Variants in DHX38 observed in about 807,000 individuals in gnomAD.
DHX38 encodes the protein pre-mRNA-splicing factor ATP-dependent RNA helicase PRP16.
In DHX38, 100 loss-of-function variants were observed where a neutral mutation model predicts 153.1. That is an observed-to-expected ratio of 0.65 (90% CI 0.56 to 0.77). The LOEUF (loss-of-function observed/expected upper bound fraction) is 0.77. Among genes scored for constraint, DHX38 ranks in the 30% least tolerant of loss-of-function variants. The pLI is 0.00. For synonymous variants in DHX38, 650 were observed against 631.7 expected, an observed-to-expected ratio of 1.03 and a Z score of -0.43; for missense variants, 1,440 against 1,654.0, an observed-to-expected ratio of 0.87 and a Z score of 2.24.
chr16:72,101,049 T>C, intron 9 of DHX38, 37 bp from the exon 10 acceptor site: 1 of 1,602,232 alleles, frequency 6.2e-7, no homozygotes, highest in Non-Finnish European at 8.6e-7. Flanking sequence ...TTCTTGCTGA[T>C]TTTAACGGGC....
At position 72,096,454 on chromosome 16, in the gene DHX38, G is replaced by C; in HGVS notation, c.297G>C (p.Gln99His). 1 of 1,613,218 alleles carries C rather than the reference G, an allele frequency of 6.2e-7. No homozygotes were observed. Among genetic ancestry groups the C allele is most frequent in the Non-Finnish European group, 8.5e-7 (1 of 1,179,666 alleles). ...QKDAEEEGGD[Q>H]AGQNIRKDRH... is the part of the protein sequence containing the mutation. Reference sequence around the variant, plus strand: ...ATGCTGAGGAAGAGGGCGGTGACCAGGCTGGCCAAAATATCCGGAAAGACA... The same window carrying C: ...ATGCTGAGGAAGAGGGCGGTGACCACGCTGGCCAAAATATCCGGAAAGACA... The change falls in exon 2 of 27, where the codon CAG (glutamine) becomes CAC (histidine). Residue 99 changes from glutamine (Q) to histidine (H), a missense_variant. Transcript: ENST00000268482.
Position 72,108,379 on chromosome 16 carries a change from G to A in DHX38, c.3117G>A (p.Arg1039=). 1 of 1,614,182 alleles carries A rather than the reference G, an allele frequency of 6.2e-7. No individual in the cohort carries two copies. The highest frequency in any genetic ancestry group is 8.5e-7 in the Non-Finnish European group (1 of 1,180,028). The change falls in exon 22 of 27, where the codon CGG becomes CGA. Residue 1039 remains arginine, a synonymous_variant. Transcript: ENST00000268482. ...NDHFIHAKAM[R]KVREVRAQLK... ...ATTTCATCCATGCTAAGGCCATGCG[G>A]AAGGTAGAGTGGTGGATGAGCAGGA...
chr16:72,108,477 G>A lies in DHX38; in HGVS notation c.3125G>A (p.Arg1042Gln), dbSNP rs942888461. ...FIHAKAMRKVREVRAQLKDIM... is the reference protein window; with the variant it reads ...FIHAKAMRKVQEVRAQLKDIM... Reference sequence around the variant, plus strand: ...TGCCTCCGTCTCCTGCCCTAGGTCCGGGAGGTGCGAGCTCAACTCAAGGAC... The same window carrying A: ...TGCCTCCGTCTCCTGCCCTAGGTCCAGGAGGTGCGAGCTCAACTCAAGGAC... Residue 1042 changes from arginine (R) to glutamine (Q), a missense_variant, in exon 23 of 27, where the codon CGG becomes CAG. Arg to Gln is a conservative substitution (Grantham distance 43). This residue lies in a region of DHX38 where 543 missense variants were observed against 717.9 expected (regional missense o/e 0.76). Transcript: ENST00000268482. 1.4e-5 allele frequency: 23 copies of A among 1,614,016 alleles called. No individual in the cohort carries two copies. The highest frequency in any genetic ancestry group is 5.0e-5 in the Admixed American group (3 of 60,000).
At chr16:72,101,887 C>T (rs974276107) in intron 11 of DHX38, among the ~76,000 whole-genome samples, 13 of 152,170 alleles carry the variant, frequency 8.5e-5, no homozygotes, top group African/African-American at 2.4e-5. Context: ...TGTCTGAGGT[C>T]ACCCAGCTTG....
Position 72,104,738 on chromosome 16 carries a change from T to C in DHX38, c.2151+112T>C. The C allele has an allele frequency of 1.4e-6, 2 of 1,459,560 alleles. No homozygotes were observed. Among genetic ancestry groups the C allele is most frequent in the Non-Finnish European group, 9.4e-7 (1 of 1,066,884 alleles). 90.4% of individuals were successfully genotyped at this position (1,459,560 alleles called of 1,614,324 possible). ...GGGGACTGGGTTGGAGAAGATTTCC[T>C]GGGGACCATGGGGCAAATGGGGCAG... On this transcript the variant is annotated intron_variant, in intron 15 of 26. Coordinates refer to ENST00000268482, the MANE Select transcript of DHX38 (RefSeq NM_014003.4). This position sits in a 1 kb window ranked among gnomAD's most constrained non-coding sequence, Gnocchi z 4.5.
At chr16:72,103,457 G>A in intron 12 of DHX38, 145 bp from the exon 13 acceptor site, 1 of 999,144 alleles carries the variant, frequency 1.0e-6, no homozygotes, top group Non-Finnish European at 1.5e-6. Context: ...GTAAGAGGCT[G>A]TTGTCCCAGT....
In DHX38 at chr16:72,103,747, A is replaced by G. The variant is rs1300318165; in HGVS notation, c.1783A>G (p.Lys595Glu). 1.2e-6 allele frequency: 2 copies of G among 1,613,796 alleles called. No individual in the cohort carries two copies. Among genetic ancestry groups the G allele is most frequent in the African/African-American group, 1.3e-5 (1 of 74,920 alleles). Reference protein sequence around the residue: ...PRRVAAMSVAKRVSEEMGGNL... With the variant: ...PRRVAAMSVAERVSEEMGGNL... ...GCGTGTAGCTGCCATGTCAGTGGCC[A>G]AGAGAGTCAGTGAAGAGATGGGGGG... The change falls in exon 13 of 27, where the codon AAG becomes GAG. Residue 595 changes from lysine to glutamate, a missense_variant. Coordinates refer to ENST00000268482, the MANE Select transcript of DHX38 (RefSeq NM_014003.4).
Position 72,098,966 on chromosome 16 carries a change from A to G in DHX38, c.804A>G (p.Pro268=), listed in dbSNP as rs764854045. The change falls in exon 6 of 27, where the codon CCA becomes CCG. Residue 268 remains proline, a synonymous_variant. Coordinates refer to ENST00000268482, the MANE Select transcript of DHX38 (RefSeq NM_014003.4). ...RGKYSDDTPL[P]TPSYKYNEWA... is the part of the protein sequence containing the mutation. ...AGTACTCGGATGACACGCCTCTGCC[A>G]ACTCCCTCCTACAAATATAACGAGT... The G allele has an allele frequency of 1.9e-6, 3 of 1,614,118 alleles. No homozygotes were observed. Among genetic ancestry groups the G allele is most frequent in the Non-Finnish European group, 2.5e-6 (3 of 1,180,040 alleles).
In DHX38 at chr16:72,095,977, G is replaced by C. The variant is rs1053244269; in HGVS notation, c.-19-162G>C. On this transcript the variant is annotated intron_variant, in intron 1 of 26. Transcript: ENST00000268482. Reference sequence around the variant, plus strand: ...ATAGGAGAATCTTTGGAGATAGGCAGTGACTTGATGGAAAGGTCTTGGAGA... The same window carrying C: ...ATAGGAGAATCTTTGGAGATAGGCACTGACTTGATGGAAAGGTCTTGGAGA... Among the ~76,000 whole-genome samples the C allele has an allele frequency of 3.3e-5, 5 of 152,078 alleles. No homozygotes were observed. The East Asian group carries it at 9.6e-4, about 29-fold the overall frequency.
Position 72,107,700 on chromosome 16 carries a change from G to A in DHX38, c.2865G>A (p.Leu955=), listed in dbSNP as rs763575192. ...TGGAGTTCCCGCTGGACCCTGCCCT[G>A]TCCAAGATGCTCATCGTGTCCTGTG... ...LMVEFPLDPA[L]SKMLIVSCDM... The change falls in exon 21 of 27, where the codon CTG becomes CTA. Residue 955 remains leucine, a synonymous_variant. Transcript: ENST00000268482. The surrounding 1 kb of genome is among the most constrained non-coding windows in gnomAD (Gnocchi z 5.3). The A allele has an allele frequency of 5.0e-6, 8 of 1,614,132 alleles. No homozygotes were observed. The South Asian group carries it at 8.8e-5, about 18-fold the overall frequency.
In DHX38 at chr16:72,100,989, A is replaced by G. The variant is rs1484565016; in HGVS notation, c.1279-97A>G. ...AGAAGGGAGAAAATAGCCCTGTACC[A>G]TGAGAGGGTAGCAGTCCCTTTCACA... On this transcript the variant is annotated intron_variant, in intron 9 of 26. Transcript: ENST00000268482. The G allele has an allele frequency of 1.7e-5, 20 of 1,197,268 alleles. 1 individual carries two copies. Among genetic ancestry groups the G allele is most frequent in the Middle Eastern group, 4.0e-4 (2 of 4,966 alleles). 74.2% of individuals were successfully genotyped at this position (1,197,268 alleles called of 1,614,324 possible).
chr16:72,108,413 T>A (rs374850737), intron 22 of DHX38, 31 bp downstream of exon 22: 4 of 1,613,594 alleles, frequency 2.5e-6, no homozygotes, highest in Non-Finnish European at 2.5e-6. Context: ...GATGTTGGGA[T>A]GAGGGGAGGG....
chr16:72,111,068 G>A lies in DHX38; in HGVS notation c.3590G>A (p.Gly1197Asp), dbSNP rs1444364279. Residue 1197 changes from glycine (G) to aspartate (D), a missense_variant, in exon 26 of 27, where the codon GGC becomes GAC. This residue lies in a region of DHX38 where 75 missense variants were observed against 69.5 expected (regional missense o/e 1.08). Transcript: ENST00000268482. ...GAGCAGGAGAAGCGCAGCCCCCTGG[G>A]CAGTGTCAGGTGAGCTCCGGCCTTC... is the stretch of plus-strand genomic sequence containing the variant. The part of the protein sequence containing the change: ...RQEQEKRSPL[G>D]SVRSTKIYTP... The A allele has an allele frequency of 9.6e-6, 15 of 1,564,468 alleles. No homozygotes were observed. The highest frequency in any genetic ancestry group is 1.3e-5 in the Non-Finnish European group (15 of 1,155,090).
chr16:72,101,667 G>T, intron 11 of DHX38, 55 bp downstream of exon 11: 1 of 1,460,612 alleles, frequency 6.8e-7, no homozygotes, highest in African/African-American at 1.4e-5. Context: ...GGGGGCCCAT[G>T]TGGGCAGTTG....
chr16:72,105,505 G>A lies in DHX38; in HGVS notation c.2380-12G>A. ...GGGACTCATTTTTCCCTTCCTGTATGTCCTGCTCTAGGCTCCAGATGGCGT... is the reference window on the plus strand; with the variant it reads ...GGGACTCATTTTTCCCTTCCTGTATATCCTGCTCTAGGCTCCAGATGGCGT... On this transcript the variant is annotated splice_polypyrimidine_tract_variant and intron_variant, in intron 17 of 26. Transcript: ENST00000268482. 6.2e-7 allele frequency: 1 copy of A among 1,614,108 alleles called. No individual in the cohort carries two copies. The highest frequency in any genetic ancestry group is 8.5e-7 in the Non-Finnish European group (1 of 1,180,016).
In DHX38 at chr16:72,101,172, G is replaced by C; in HGVS notation, c.1365G>C (p.Arg455Ser). The change falls in exon 10 of 27, where the codon AGG (arginine) becomes AGC (serine). Residue 455 changes from arginine (R) to serine (S), a missense_variant. Physicochemically the swap from Arg to Ser is moderately radical, Grantham distance 110. Coordinates refer to ENST00000268482, the MANE Select transcript of DHX38 (RefSeq NM_014003.4). Reference protein sequence around the residue: ...RKGSQTVRKHREQKERKKAQH... With the variant: ...RKGSQTVRKHSEQKERKKAQH... ...GCAGCCAGACAGTGCGGAAGCACAG[G>C]GAGCAGAAGGAGCGCAAGAAGGTTG... 6.2e-7 allele frequency: 1 copy of C among 1,614,288 alleles called. No individual in the cohort carries two copies. Among genetic ancestry groups the C allele is most frequent in the Non-Finnish European group, 8.5e-7 (1 of 1,180,056 alleles).
rs779862354 is a variant in DHX38 at position 72,099,231 on chromosome 16, T to C, written c.911T>C (p.Ile304Thr). Residue 304 changes from isoleucine to threonine, a missense_variant, in exon 7 of 27, where the codon ATT becomes ACT. This residue lies in a region of DHX38 where 483 missense variants were observed against 465.1 expected (regional missense o/e 1.04). Transcript: ENST00000268482. Reference protein sequence around the residue: ...RGRREEGEEGISFDTEEERQQ... With the variant: ...RGRREEGEEGTSFDTEEERQQ... ...AGACGTGAGGAGGGCGAAGAAGGAATTTCATTTGACACGGAGGAGGAGCGG... is the reference window on the plus strand; with the variant it reads ...AGACGTGAGGAGGGCGAAGAAGGAACTTCATTTGACACGGAGGAGGAGCGG... The C allele has an allele frequency of 2.5e-6, 4 of 1,612,684 alleles. No individual in the cohort carries two copies. The highest frequency in any genetic ancestry group is 3.4e-6 in the Non-Finnish European group (4 of 1,179,626).
intron 1 of DHX38, among the ~76,000 whole-genome samples, chr16:72,094,898 G>A (rs1467784461): frequency 6.6e-6 from 1 of 152,244 alleles, no homozygotes; most frequent in Non-Finnish European, 1.5e-5. Flanking sequence ...CTATTGAGTA[G>A]AGCCTGTATA....
Position 72,104,695 on chromosome 16 carries a change from G to C in DHX38, c.2151+69G>C. 6.3e-7 allele frequency: 1 copy of C among 1,596,590 alleles called. No individual in the cohort carries two copies. Among genetic ancestry groups the C allele is most frequent in the Non-Finnish European group, 8.5e-7 (1 of 1,170,114 alleles). ...CACTTCTCTGATGCGAAGCCGGCTG[G>C]AGGGTGGAGGGTGGGTAGGGGACTG... is the stretch of plus-strand genomic sequence containing the variant. On this transcript the variant is annotated intron_variant, in intron 15 of 26. Transcript: ENST00000268482. This position sits in a 1 kb window ranked among gnomAD's most constrained non-coding sequence, Gnocchi z 4.5.
Sources: allele counts gnomAD v4.1 joint callset (sites outside exome capture counted in the v4.1 genomes callset), GRCh38; gene constraint gnomAD v4.1.1; regional missense constraint gnomAD v4.1.1; non-coding constraint Gnocchi (gnomAD v3.1); transcripts MANE v1.5; gene names NCBI Gene and HGNC (gene_info 2026-07-23, HGNC 2026-07-21).